Variants in EPB41 observed in about 807,000 individuals in gnomAD.
EPB41 encodes the protein protein 4.1.
In EPB41, 65 loss-of-function variants were observed where a neutral mutation model predicts 108.0. That is an observed-to-expected ratio of 0.60 (90% CI 0.49 to 0.74). EPB41 has a LOEUF of 0.74. Among genes scored for constraint, EPB41 ranks in the 30% least tolerant of loss-of-function variants. The pLI is 0.00. For synonymous variants in EPB41, 336 were observed against 358.9 expected (o/e 0.94, Z 0.72); for missense variants, 875 against 1,037.0 (o/e 0.84, Z 2.15).
chr1:28,919,915 CTG>C (rs1227994277), intron 1 of EPB41, among the ~76,000 whole-genome samples: 11 of 152,226 alleles, frequency 7.2e-5, no homozygotes, highest in African/African-American at 2.6e-4. Context: ...GTGGATTAAA[CTG>C]TGATTGTTTA....
chr1:28,931,208 G>A (rs2093722090), intron 1 of EPB41, among the ~76,000 whole-genome samples: 1 of 151,786 alleles, frequency 6.6e-6, no homozygotes, highest in Admixed American at 6.6e-5. Context: ...ATACTAGCCA[G>A]GGCAACATAT....
At chr1:28,908,305 G>A (rs1303852104) in intron 1 of EPB41, among the ~76,000 whole-genome samples, 1 of 151,138 alleles carries the variant, frequency 6.6e-6, no homozygotes, top group East Asian at 2.0e-4. Context: ...GGGAGGCTGA[G>A]GCAGGAGAAT....
At chr1:29,094,481 G>A (rs1662500100) in intron 16 of EPB41, among the ~76,000 whole-genome samples, 1 of 151,862 alleles carries the variant, frequency 6.6e-6, no homozygotes, top group African/African-American at 2.4e-5. Flanking sequence ...TTGCCACGTT[G>A]GCCAGGGTGG....
intron 1 of EPB41, among the ~76,000 whole-genome samples, chr1:28,930,774 C>T (rs1450225059): frequency 6.6e-6 from 1 of 152,114 alleles, no homozygotes; most frequent in Admixed American, 6.6e-5. Flanking sequence ...CGTGAGCCAC[C>T]GCACCTGGCC....
chr1:28,891,684 T>C (rs2147818879), intron 1 of EPB41, among the ~76,000 whole-genome samples: 1 of 152,330 alleles, frequency 6.6e-6, no homozygotes, highest in African/African-American at 2.4e-5. Flanking sequence ...CTGGTCATTT[T>C]TCAGTCCAAA....
At position 29,032,451 on chromosome 1, in the gene EPB41, T is replaced by C. The variant is rs554158099; in HGVS notation, c.1213-642T>C. 1.2e-4 allele frequency among the ~76,000 whole-genome samples: 19 copies of C among 152,322 alleles called. No homozygotes were observed. The South Asian group carries it at 3.7e-3, about 30-fold the overall frequency. On this transcript the variant is annotated intron_variant, in intron 8 of 20. Transcript: ENST00000343067. ...ACTGTATGTAATTCCTGCTTCTCTGTTATAACACGTGTAGGCACTAATATA... is the reference window on the plus strand; with the variant it reads ...ACTGTATGTAATTCCTGCTTCTCTGCTATAACACGTGTAGGCACTAATATA...
intron 1 of EPB41, among the ~76,000 whole-genome samples, chr1:28,984,847 C>T (rs948571763): frequency 1.3e-4 from 20 of 151,988 alleles, no homozygotes; most frequent in Admixed American, 8.5e-4. Flanking sequence ...TTTATAAATA[C>T]GATGTTTTGC....
At chr1:28,972,813 A>G (rs1283520019) in intron 1 of EPB41, among the ~76,000 whole-genome samples, 2 of 151,434 alleles carry the variant, frequency 1.3e-5, no homozygotes, top group East Asian at 1.9e-4. Context: ...TATGCTGCCC[A>G]GGCTGGTTTC....
chr1:28,973,570 AT>A (rs1256093044), intron 1 of EPB41, among the ~76,000 whole-genome samples: 1 of 151,560 alleles, frequency 6.6e-6, no homozygotes, highest in East Asian at 1.9e-4. Context: ...TTTTATTTTT[AT>A]TTTTTTAGAA....
At chr1:29,027,592 A>G (rs942402221) in intron 7 of EPB41, among the ~76,000 whole-genome samples, 5 of 151,766 alleles carry the variant, frequency 3.3e-5, no homozygotes, top group Non-Finnish European at 5.9e-5. Context: ...CGGCCTCCCA[A>G]AGTGCTGGGA....
intron 11 of EPB41, among the ~76,000 whole-genome samples, chr1:29,052,104 A>G (rs930606130): frequency 6.6e-6 from 1 of 152,198 alleles, no homozygotes; most frequent in Non-Finnish European, 1.5e-5. Context: ...GCTGTCTAAA[A>G]CTTAGATACC....
intron 1 of EPB41, among the ~76,000 whole-genome samples, chr1:28,900,720 T>A (rs1183470903): frequency 1.3e-5 from 2 of 152,112 alleles, no homozygotes; most frequent in Non-Finnish European, 2.9e-5. Context: ...CTGTGTCTGA[T>A]TCCTTTCCCA....
chr1:28,903,235 G>A (rs375521106), intron 1 of EPB41, among the ~76,000 whole-genome samples: 9 of 152,090 alleles, frequency 5.9e-5, no homozygotes, highest in Admixed American at 2.6e-4. Flanking sequence ...AGGCAGATGT[G>A]GATTTGAATT....
At position 28,997,330 on chromosome 1, in the gene EPB41, T is replaced by C. The variant is rs1180424437; in HGVS notation, c.786+11T>C. 6.6e-7 allele frequency: 1 copy of C among 1,526,344 alleles called. No homozygotes were observed. Among genetic ancestry groups the C allele is most frequent in the Non-Finnish European group, 9.1e-7 (1 of 1,100,082 alleles). 94.6% of individuals were successfully genotyped at this position (1,526,344 alleles called of 1,614,324 possible). On this transcript the variant is annotated intron_variant, in intron 4 of 20. Coordinates refer to ENST00000343067, the MANE Select transcript of EPB41 (RefSeq NM_001376013.1). ...AACGCAACCTCTAAGGTGAGGAGAC[T>C]GCTTGCAATTTAAGAAGCTGACAAA...
At chr1:28,922,817 C>T (rs1192451871) in intron 1 of EPB41, among the ~76,000 whole-genome samples, 8 of 151,610 alleles carry the variant, frequency 5.3e-5, no homozygotes, top group Admixed American at 1.3e-4. Flanking sequence ...TTAGTAGAGT[C>T]GGGGTTTCAC....
chr1:29,019,618 A>G (rs574260699), intron 7 of EPB41, among the ~76,000 whole-genome samples: 2 of 152,188 alleles, frequency 1.3e-5, no homozygotes, highest in Non-Finnish European at 2.9e-5. Context: ...AAAGTTCCAA[A>G]GGATCACACT....
At chr1:29,101,474 G>A (rs1456829942) in intron 17 of EPB41, among the ~76,000 whole-genome samples, 1 of 152,004 alleles carries the variant, frequency 6.6e-6, no homozygotes, top group Non-Finnish European at 1.5e-5. Flanking sequence ...TCTCTTTCGT[G>A]GTCTAGAGTG....
At chr1:28,944,904 T>C (rs1165111243) in intron 1 of EPB41, among the ~76,000 whole-genome samples, 1 of 151,178 alleles carries the variant, frequency 6.6e-6, no homozygotes, top group Non-Finnish European at 1.5e-5. Context: ...GCCTGGGCAA[T>C]GTAGCAAAAC....
intron 1 of EPB41, among the ~76,000 whole-genome samples, chr1:28,955,830 G>T (rs2094929200): frequency 6.6e-6 from 1 of 152,146 alleles, no homozygotes; most frequent in African/African-American, 2.4e-5. Flanking sequence ...TACTGTATAT[G>T]TTGTCTGTTT....
Sources: gnomAD v4.1 joint callset for allele counts (sites outside exome capture counted in the v4.1 genomes callset) on GRCh38, gnomAD v4.1.1 for gene constraint, MANE v1.5 for transcripts, NCBI Gene and HGNC (gene_info 2026-07-23, HGNC 2026-07-21) for gene names.